PARD3B: variants seen among roughly 807,000 people sequenced by gnomAD.
The protein encoded by PARD3B is par-3 family cell polarity regulator beta.
Under a neutral mutation model 130.2 loss-of-function variants are expected in PARD3B, and 103 were observed. The observed-to-expected ratio is 0.79, with a 90% CI of 0.67 to 0.93. The LOEUF (loss-of-function observed/expected upper bound fraction) is 0.93. Ranked by LOEUF, PARD3B falls within the 40% of genes least tolerant of loss-of-function variation. The pLI is 0.00. For synonymous variants in PARD3B, 583 were observed against 553.2 expected (o/e 1.05, Z -0.76); for missense variants, 1,609 against 1,499.2 (o/e 1.07, Z -1.21).
chr2:205,601,562 A>C (rs576556755), intron 22 of PARD3B, among the ~76,000 whole-genome samples: 3 of 152,182 alleles, frequency 2.0e-5, no homozygotes, highest in South Asian at 4.1e-4. Flanking sequence ...TTTCATCATG[A>C]AATCTTTGCC....
chr2:204,861,667 A>G (rs547193064), intron 2 of PARD3B, among the ~76,000 whole-genome samples: 1 of 152,024 alleles, frequency 6.6e-6, no homozygotes, highest in South Asian at 2.1e-4. Flanking sequence ...TGGCTTTTGG[A>G]CTCTTACCTT....
chr2:204,926,983 C>T (rs1687667283), intron 2 of PARD3B, among the ~76,000 whole-genome samples: 1 of 151,912 alleles, frequency 6.6e-6, no homozygotes, highest in Admixed American at 6.6e-5. Context: ...GCAAGTAATT[C>T]CAATAGTATG....
intron 4 of PARD3B, among the ~76,000 whole-genome samples, chr2:205,104,134 ACT>A (rs1703025303): frequency 6.6e-6 from 1 of 152,152 alleles, no homozygotes; most frequent in Non-Finnish European, 1.5e-5. Context: ...GGTTTAAAAC[ACT>A]CAATCCCAAA....
chr2:205,083,975 C>T (rs1286632468), intron 4 of PARD3B, among the ~76,000 whole-genome samples: 2 of 152,116 alleles, frequency 1.3e-5, no homozygotes, highest in Non-Finnish European at 2.9e-5. Context: ...CTTCAGTGTA[C>T]ATCCCTAACA....
At chr2:205,264,040 CAA>C (rs933052998) in intron 16 of PARD3B, among the ~76,000 whole-genome samples, 1 of 150,750 alleles carries the variant, frequency 6.6e-6, no homozygotes, top group African/African-American at 2.4e-5. Context: ...TATTTGTAAA[CAA>C]GAGACAGGAA....
At chr2:205,262,411 C>T (rs2040349504) in intron 16 of PARD3B, among the ~76,000 whole-genome samples, 1 of 151,990 alleles carries the variant, frequency 6.6e-6, no homozygotes, top group Non-Finnish European at 1.5e-5. Context: ...AATTTCTGGG[C>T]ATGGCAACGA....
intron 18 of PARD3B, among the ~76,000 whole-genome samples, chr2:205,320,873 T>C (rs1329788473): frequency 6.6e-6 from 1 of 152,200 alleles, no homozygotes; most frequent in Non-Finnish European, 1.5e-5. Flanking sequence ...CTGATATACA[T>C]ACACTGGGGG....
chr2:204,559,822 A>G (rs1438099343), intron 1 of PARD3B, among the ~76,000 whole-genome samples: 3 of 152,232 alleles, frequency 2.0e-5, no homozygotes, highest in South Asian at 4.1e-4. Context: ...GGTTAAGAAG[A>G]TGTAGCACAT....
rs541034717 is a variant in PARD3B, at chr2:205,564,666, C to T, written c.3260+11263C>T. Among the ~76,000 whole-genome samples the T allele has an allele frequency of 6.6e-6, 1 of 152,282 alleles. No homozygotes were observed. Among genetic ancestry groups the T allele is most frequent in the African/African-American group, 2.4e-5 (1 of 41,554 alleles). ...GCTGCTTCAAGTCCAGAGAAGAGAG[C>T]TTTGGCAGTCAGTTACTATGGTGGT... On this transcript the variant is annotated intron_variant, in intron 22 of 22. Transcript: ENST00000406610. The surrounding 1 kb of genome is among the most constrained non-coding windows in gnomAD (Gnocchi z 4.6).
chr2:204,651,187 A>G (rs2035464624), intron 1 of PARD3B, among the ~76,000 whole-genome samples: 1 of 152,210 alleles, frequency 6.6e-6, no homozygotes, highest in Admixed American at 6.5e-5. Flanking sequence ...TCATTCTAGC[A>G]TTAACCCAAA....
At chr2:205,192,322 A>T (rs1287360546) in intron 14 of PARD3B, among the ~76,000 whole-genome samples, 1 of 152,212 alleles carries the variant, frequency 6.6e-6, no homozygotes, top group Non-Finnish European at 1.5e-5. Context: ...TTGTAAGGAT[A>T]CATGATTTGG....
chr2:205,601,421 G>A (rs2054780630), intron 22 of PARD3B, among the ~76,000 whole-genome samples: 1 of 152,132 alleles, frequency 6.6e-6, no homozygotes, highest in African/African-American at 2.4e-5. Flanking sequence ...TGAATAGACT[G>A]CAAAATTTTT....
At chr2:204,764,330 A>C (rs779491103) in intron 2 of PARD3B, among the ~76,000 whole-genome samples, 20 of 152,254 alleles carry the variant, frequency 1.3e-4, no homozygotes, top group Middle Eastern at 3.4e-3. Context: ...TACATGTGTC[A>C]GGGGATGGAA....
In PARD3B at chr2:204,929,299, C is replaced by T. The variant is rs184103816; in HGVS notation, c.223-35853C>T. Among the ~76,000 whole-genome samples the T allele has an allele frequency of 1.1e-4, 17 of 152,162 alleles. No individual in the cohort carries two copies. The South Asian group carries it at 2.3e-3, about 20-fold the overall frequency. ...GTTGAATAATCTGCCAGTGGACACA[C>T]GCTTCACTGACATTGAATGTTAAGG... On this transcript the variant is annotated intron_variant, in intron 2 of 22. Transcript: ENST00000406610.
chr2:205,444,276 C>T (rs1271012634), intron 20 of PARD3B, among the ~76,000 whole-genome samples: 3 of 152,158 alleles, frequency 2.0e-5, no homozygotes, highest in Admixed American at 6.5e-5. Flanking sequence ...AGCCACCATA[C>T]CCGGCCTCTA....
intron 4 of PARD3B, among the ~76,000 whole-genome samples, chr2:205,054,416 ATATATATATATATATATATATTT>A (rs1559392839): frequency 5.7e-5 from 1 of 17,666 alleles, no homozygotes; most frequent in African/African-American, 1.7e-4. Flanking sequence ...ATATATATAT[ATATATATATATATATATATATTT>A]TTTTTTTTTT....
At chr2:205,153,641 A>G (rs1364111132) in intron 10 of PARD3B, among the ~76,000 whole-genome samples, 1 of 152,230 alleles carries the variant, frequency 6.6e-6, no homozygotes, top group Non-Finnish European at 1.5e-5. Flanking sequence ...CCTGACTTCA[A>G]ACTTTACTAC....
chr2:204,792,396 TTAAAA>T (rs139868350), intron 2 of PARD3B, among the ~76,000 whole-genome samples: 4,203 of 152,256 alleles, frequency 0.028, 198 homozygotes, highest in African/African-American at 0.097. Flanking sequence ...ACTTGAAATC[TTAAAA>T]TAAATCACTG....
In PARD3B at chr2:204,689,857, G is replaced by A. The variant is rs984784412; in HGVS notation, c.222+3575G>A. Among the ~76,000 whole-genome samples, 9 of 152,010 alleles carry A rather than the reference G, an allele frequency of 5.9e-5. No homozygotes were observed. The highest frequency in any genetic ancestry group is 1.9e-4 in the East Asian group (1 of 5,182). On this transcript the variant is annotated intron_variant, in intron 2 of 22. Transcript: ENST00000406610. The surrounding 1 kb of genome is among the most constrained non-coding windows in gnomAD (Gnocchi z 5.2). ...TCTCTGATGTGTCAAGCAGTTTGGCGCTTGTATCTATAATTTCTATTACGA... is the reference window on the plus strand; with the variant it reads ...TCTCTGATGTGTCAAGCAGTTTGGCACTTGTATCTATAATTTCTATTACGA...
Sources: gnomAD v4.1 joint callset for allele counts (sites outside exome capture counted in the v4.1 genomes callset) on GRCh38, gnomAD v4.1.1 for gene constraint, Gnocchi (gnomAD v3.1) non-coding constraint, MANE v1.5 for transcripts, NCBI Gene and HGNC (gene_info 2026-07-23, HGNC 2026-07-21) for gene names.